The following GNAZ variants were observed in gnomAD, a reference collection of about 807,000 sequenced individuals.
GNAZ encodes guanine nucleotide-binding protein G(z) subunit alpha.
In GNAZ, 3 loss-of-function variants were observed where a neutral mutation model predicts 25.4. That is an observed-to-expected ratio of 0.12 (90% confidence interval 0.05 to 0.30). The LOEUF (loss-of-function observed/expected upper bound fraction) is 0.30. Among genes scored for constraint, GNAZ ranks in the 10% least tolerant of loss-of-function variants. GNAZ has a pLI of 1.00. For synonymous variants in GNAZ, 211 were observed against 205.7 expected (o/e 1.03, Z -0.22); for missense variants, 241 against 501.8 (o/e 0.48, Z 4.97).
At chr22:23,072,762 T>C (rs1421837257) in intron 1 of GNAZ, among the ~76,000 whole-genome samples, 1 of 152,204 alleles carries the variant, frequency 6.6e-6, no homozygotes, top group Non-Finnish European at 1.5e-5. Context: ...ACACAGGGAA[T>C]GGATTCTTCC....
intron 1 of GNAZ, among the ~76,000 whole-genome samples, chr22:23,094,410 G>A (rs184669691): frequency 4.6e-5 from 7 of 152,272 alleles, no homozygotes; most frequent in African/African-American, 9.6e-5. Flanking sequence ...GCCCTGACTC[G>A]CGGGGTTGGT....
chr22:23,120,326 G>T (rs771456249), intron 2 of GNAZ, among the ~76,000 whole-genome samples: 5 of 152,080 alleles, frequency 3.3e-5, no homozygotes, highest in Admixed American at 3.3e-4. Context: ...GTTTCATGGC[G>T]TTGGACAAGA....
At chr22:23,082,494 C>T (rs1378229367) in intron 1 of GNAZ, among the ~76,000 whole-genome samples, 3 of 151,578 alleles carry the variant, frequency 2.0e-5, no homozygotes, top group African/African-American at 4.9e-5. Context: ...GCTGGGATTA[C>T]AGGCATGAGC....
At chr22:23,096,476 C>T (rs554311232) in intron 2 of GNAZ, 58 bp downstream of exon 2, 1 of 1,532,330 alleles carries the variant, frequency 6.5e-7, no homozygotes, top group South Asian at 1.2e-5. Flanking sequence ...TTCCTGGAAG[C>T]AAGAGGACTC....
chr22:23,095,635 G>A lies in GNAZ; in HGVS notation c.-61G>A. ...TGTCTGCCTGGTCTCAGTGTCCCCT[G>A]TGGCAAGAGGGAGAGGTGCCCCATC... is the stretch of plus-strand genomic sequence containing the variant. On this transcript the variant is annotated 5_prime_UTR_variant, in exon 2 of 3. In the 5' UTR this introduces an upstream ATG that the reference lacks. Transcript: ENST00000615612. 1 of 1,536,498 alleles carries A rather than the reference G, an allele frequency of 6.5e-7. No homozygotes were observed. The highest frequency in any genetic ancestry group is 8.7e-7 in the Non-Finnish European group (1 of 1,143,750).
intron 2 of GNAZ, among the ~76,000 whole-genome samples, chr22:23,109,348 C>G (rs981806757): frequency 8.5e-5 from 13 of 152,180 alleles, no homozygotes; most frequent in Non-Finnish European, 1.8e-4. Flanking sequence ...GCCCCGAGCT[C>G]TGCCCCCACC....
chr22:23,097,834 T>C lies in GNAZ; in HGVS notation c.723+1416T>C, dbSNP rs73384371. On this transcript the variant is annotated intron_variant, in intron 2 of 2. Coordinates refer to ENST00000615612, the MANE Select transcript of GNAZ (RefSeq NM_002073.4). ...CCAGACCCTTGGGACAGTGCCATGG[T>C]GGGTCTGCCAGTCACACGGGCTTGC... Among the ~76,000 whole-genome samples the C allele has an allele frequency of 5.3e-3, 803 of 152,326 alleles. 9 individuals carry two copies. Among genetic ancestry groups the C allele is most frequent in the African/African-American group, 0.017 (719 of 41,572 alleles).
intron 2 of GNAZ, among the ~76,000 whole-genome samples, chr22:23,107,128 T>C (rs757210037): frequency 3.5e-4 from 54 of 152,246 alleles, no homozygotes; most frequent in Non-Finnish European, 1.3e-4. Context: ...CCCTTGCTGT[T>C]TGAGGTGCCA....
chr22:23,093,187 T>C (rs1020230934), intron 1 of GNAZ, among the ~76,000 whole-genome samples: 1 of 152,210 alleles, frequency 6.6e-6, no homozygotes, highest in Non-Finnish European at 1.5e-5. Flanking sequence ...AAGGCTTCCA[T>C]TCTCAGATGT....
In GNAZ at chr22:23,096,130, C is replaced by G. The variant is rs1328521572; in HGVS notation, c.435C>G (p.Ser145Arg). 6.2e-7 allele frequency: 1 copy of G among 1,612,066 alleles called. No homozygotes were observed. Among genetic ancestry groups the G allele is most frequent in the African/African-American group, 1.3e-5 (1 of 74,946 alleles). The stretch of plus-strand genomic sequence containing the variant: ...CACAGGCCTGCTTCAGCCGCTCCAG[C>G]GAGTACCACCTGGAGGACAACGCGG... ...PGAQACFSRSSEYHLEDNAAY... is the reference protein window; with the variant it reads ...PGAQACFSRSREYHLEDNAAY... The change falls in exon 2 of 3, where the codon AGC becomes AGG. Residue 145 changes from serine (S) to arginine (R), a missense_variant. Ser to Arg is a moderately radical substitution (Grantham distance 110). Coordinates refer to ENST00000615612, the MANE Select transcript of GNAZ (RefSeq NM_002073.4).
At chr22:23,083,657 G>A (rs2068737664) in intron 1 of GNAZ, among the ~76,000 whole-genome samples, 1 of 152,150 alleles carries the variant, frequency 6.6e-6, no homozygotes, top group South Asian at 2.1e-4. Context: ...GCGAAGGTGG[G>A]AGGAGGGGAT....
In GNAZ at chr22:23,123,634, CAT is replaced by C; in HGVS notation, c.*204_*205del. 1.7e-6 allele frequency: 1 copy of C among 589,802 alleles called. No homozygotes were observed. Among genetic ancestry groups the C allele is most frequent in the Non-Finnish European group, 3.0e-6 (1 of 330,832 alleles). The allele number at this position is 589,802 out of a possible 1,614,324, so 36.5% of individuals were successfully genotyped here. A position where few individuals can be genotyped will look rare whatever the true frequency, so the allele number is the denominator to read the frequency against. ...ATTGCTAGGTAGATAGACACACACA[CAT>C]GCACACACACACATCTGGAGATGGC... On this transcript the variant is annotated 3_prime_UTR_variant, in exon 3 of 3. Transcript: ENST00000615612.
chr22:23,091,250 C>T lies in GNAZ; in HGVS notation c.-449-3997C>T, dbSNP rs561712479. On this transcript the variant is annotated intron_variant, in intron 1 of 2. Transcript: ENST00000615612. ...CATGCACACACTGGCATACAAGCAA[C>T]CAGACACAGACACATCCATGCACCT... Among the ~76,000 whole-genome samples, 60 of 152,308 alleles carry T rather than the reference C, an allele frequency of 3.9e-4. 1 individual carries two copies. Among genetic ancestry groups the T allele is most frequent in the Non-Finnish European group, 7.6e-4 (52 of 68,026 alleles).
At chr22:23,123,036 T>G (rs1376942085) in intron 2 of GNAZ, 51 bp from the exon 3 acceptor site, 1 of 1,237,792 alleles carries the variant, frequency 8.1e-7, no homozygotes, top group Admixed American at 1.7e-5. Flanking sequence ...GTCTAGGGTC[T>G]GTCTCTGCCT....
intron 2 of GNAZ, among the ~76,000 whole-genome samples, chr22:23,100,332 A>T (rs2069260639): frequency 6.6e-6 from 1 of 152,208 alleles, no homozygotes; most frequent in Admixed American, 6.5e-5. Flanking sequence ...TCTAGGACCC[A>T]CAGTAGTCAC....
intron 1 of GNAZ, among the ~76,000 whole-genome samples, chr22:23,091,143 C>A (rs2068960071): frequency 6.6e-6 from 1 of 152,202 alleles, no homozygotes; most frequent in Non-Finnish European, 1.5e-5. Context: ...GAGGCATGGA[C>A]CTGTGCATGC....
At chr22:23,080,145 C>A (rs2146268221) in intron 1 of GNAZ, among the ~76,000 whole-genome samples, 1 of 152,346 alleles carries the variant, frequency 6.6e-6, no homozygotes, top group African/African-American at 2.4e-5. Flanking sequence ...GCCACCCTCT[C>A]CTCCATAGGT....
At chr22:23,080,138 A>T (rs1199152754) in intron 1 of GNAZ, among the ~76,000 whole-genome samples, 1 of 152,056 alleles carries the variant, frequency 6.6e-6, no homozygotes, top group East Asian at 1.9e-4. Flanking sequence ...TGTCATGGCC[A>T]CCCTCTCCTC....
At chr22:23,088,927 G>GC (rs1348520036) in intron 1 of GNAZ, among the ~76,000 whole-genome samples, 1 of 152,234 alleles carries the variant, frequency 6.6e-6, no homozygotes, top group Non-Finnish European at 1.5e-5. Context: ...AGGCATGACT[G>GC]CCTGTGCCTC....
Sources: gnomAD v4.1 joint callset for allele counts (sites outside exome capture counted in the v4.1 genomes callset) on GRCh38, gnomAD v4.1.1 for gene constraint, MANE v1.5 for transcripts, NCBI Gene and HGNC (gene_info 2026-07-23, HGNC 2026-07-21) for gene names.